The following YTHDF3 variants were observed in gnomAD, a reference collection of about 807,000 sequenced individuals.
The protein encoded by YTHDF3 is YTH domain-containing family protein 3.
A neutral mutation model predicts 52.5 loss-of-function variants in YTHDF3; 9 were observed. That is an observed-to-expected ratio of 0.17 (90% CI 0.10 to 0.30). The LOEUF is 0.30. Ranked by LOEUF, YTHDF3 falls within the 10% of genes least tolerant of loss-of-function variation. The pLI, the probability that YTHDF3 is intolerant of heterozygous loss-of-function variation, is 1.00. For missense variants in YTHDF3, 534 were observed against 715.0 expected (o/e 0.75, Z 2.89); for synonymous variants, 274 against 243.3 (o/e 1.13, Z -1.18).
intron 2 of YTHDF3, among the ~76,000 whole-genome samples, chr8:63,173,202 T>TTATATATATATATATATATATATATA (rs545707272): frequency 0.028 from 3,516 of 124,698 alleles, 188 homozygotes; most frequent in African/African-American, 0.068. Flanking sequence ...AGGATTATAT[T>TTATATATATATATATATATATATATA]TATATATATA....
chr8:63,186,505 C>G lies in YTHDF3; in HGVS notation c.494C>G (p.Ala165Gly), dbSNP rs745618517. The part of the protein sequence containing the change: ...YGYPPSSLGR[A>G]ITDGQAGFGN... The stretch of plus-strand genomic sequence containing the variant: ...TATCCACCTAGTTCTCTTGGGAGAG[C>G]TATTACTGATGGACAGGCTGGATTT... Residue 165 changes from alanine to glycine, a missense_variant, in exon 4 of 5, where the codon GCT (alanine) becomes GGT (glycine). This residue lies in a region of YTHDF3 where 196 missense variants were observed against 299.5 expected (regional missense o/e 0.65). Coordinates refer to ENST00000539294, the MANE Select transcript of YTHDF3 (RefSeq NM_152758.6). 17 of 1,613,860 alleles carry G rather than the reference C, an allele frequency of 1.1e-5. No homozygotes were observed. Among genetic ancestry groups the G allele is most frequent in the Non-Finnish European group, 1.4e-5 (17 of 1,179,904 alleles).
chr8:63,171,923 AGT>A (rs1807354670), intron 2 of YTHDF3, among the ~76,000 whole-genome samples: 1 of 152,180 alleles, frequency 6.6e-6, no homozygotes, highest in South Asian at 2.1e-4. Flanking sequence ...ACCTAGTTTT[AGT>A]GTCTTTGATT....
At chr8:63,202,371 T>C (rs1809694408) in intron 4 of YTHDF3, among the ~76,000 whole-genome samples, 1 of 152,202 alleles carries the variant, frequency 6.6e-6, no homozygotes, top group Admixed American at 6.5e-5. Context: ...TAGAAGCTTA[T>C]CTAAGTATTA....
intron 3 of YTHDF3, among the ~76,000 whole-genome samples, chr8:63,184,433 A>G (rs1194963081): frequency 2.0e-5 from 3 of 152,230 alleles, no homozygotes; most frequent in African/African-American, 7.2e-5. Flanking sequence ...TAGTCATATC[A>G]GAGAACCATT....
At chr8:63,189,005 C>G (rs900963327) in intron 4 of YTHDF3, 1 of 152,008 alleles carries the variant, frequency 6.6e-6, no homozygotes, top group Non-Finnish European at 1.5e-5. Flanking sequence ...GCCACTGTGC[C>G]TGGCAAAATA....
intron 4 of YTHDF3, among the ~76,000 whole-genome samples, chr8:63,188,076 A>G (rs1231266615): frequency 3.9e-5 from 6 of 152,174 alleles, no homozygotes; most frequent in Admixed American, 2.0e-4. Context: ...GGCTCTAATC[A>G]TTAATATTAT....
chr8:63,169,541 A>G (rs1244950927), intron 2 of YTHDF3, 130 bp downstream of exon 2: 9 of 1,055,088 alleles, frequency 8.5e-6, no homozygotes, highest in Non-Finnish European at 1.3e-5. Flanking sequence ...AATATTCATC[A>G]TGGCTAAGGT....
chr8:63,169,440 G>C (rs1483253376), intron 2 of YTHDF3, 29 bp downstream of exon 2: 1 of 1,565,374 alleles, frequency 6.4e-7, no homozygotes, highest in Admixed American at 1.9e-5. Flanking sequence ...TTTTCTTATT[G>C]CTCAATGTTG....
At chr8:63,206,979 A>C (rs961349502) in intron 4 of YTHDF3, among the ~76,000 whole-genome samples, 2 of 152,166 alleles carry the variant, frequency 1.3e-5, no homozygotes, top group African/African-American at 4.8e-5. Flanking sequence ...CCTTGGTAAA[A>C]TATGTACCTT....
intron 4 of YTHDF3, among the ~76,000 whole-genome samples, chr8:63,209,317 T>G (rs111634821): frequency 0.011 from 1,713 of 152,286 alleles, 18 homozygotes; most frequent in Non-Finnish European, 0.017. Context: ...TTTAACCTTT[T>G]TCTCCTGCCC....
intron 4 of YTHDF3, among the ~76,000 whole-genome samples, chr8:63,200,781 T>C (rs1428262863): frequency 6.6e-6 from 1 of 152,206 alleles, no homozygotes; most frequent in Non-Finnish European, 1.5e-5. Flanking sequence ...GCAAATACAA[T>C]TTTGATTGGG....
At chr8:63,172,652 G>T in intron 2 of YTHDF3, 1 of 583,546 alleles carries the variant, frequency 1.7e-6, no homozygotes, top group South Asian at 8.7e-5. Context: ...TGTTTTTGTA[G>T]GTGGGGAAAC....
intron 1 of YTHDF3, 47 bp from the exon 2 acceptor site, chr8:63,169,340 T>G (rs761629188): frequency 6.3e-7 from 1 of 1,576,144 alleles, no homozygotes; most frequent in South Asian, 1.2e-5. Context: ...ACTTTTTCTT[T>G]TCTTCCTTTT....
At chr8:63,189,494 G>A (rs1178303443) in intron 4 of YTHDF3, among the ~76,000 whole-genome samples, 1 of 152,218 alleles carries the variant, frequency 6.6e-6, no homozygotes, top group Non-Finnish European at 1.5e-5. Context: ...TGGAATGCTT[G>A]TTCCTATGTA....
intron 2 of YTHDF3, 131 bp from the exon 3 acceptor site, chr8:63,175,200 G>A: frequency 1.6e-6 from 1 of 625,612 alleles, no homozygotes; most frequent in Non-Finnish European, 2.8e-6. Context: ...TCCTTAAGAG[G>A]GTTCTTAAAA....
chr8:63,171,307 A>G (rs1012024217), intron 2 of YTHDF3, among the ~76,000 whole-genome samples: 1 of 152,148 alleles, frequency 6.6e-6, no homozygotes, highest in African/African-American at 2.4e-5. Context: ...AATTCCCATA[A>G]TTCCTATAGT....
intron 1 of YTHDF3, 43 bp downstream of exon 1, chr8:63,168,944 C>T (rs1476798670): frequency 6.5e-7 from 1 of 1,543,706 alleles, no homozygotes; most frequent in Non-Finnish European, 8.7e-7. Flanking sequence ...GCCCGAGCCC[C>T]GGAGCTCCAC....
chr8:63,187,495 A>T lies in YTHDF3; in HGVS notation c.1484A>T (p.Asp495Val). The change falls in exon 4 of 5, where the codon GAT becomes GTT. Residue 495 changes from aspartate to valine, a missense_variant. By Grantham distance (152) the Asp-to-Val change is radical. Around this residue, in one of 3 missense-constraint regions of YTHDF3, gnomAD observed 135 missense variants for 214.2 expected, o/e 0.63. Transcript: ENST00000539294. The stretch of plus-strand genomic sequence containing the variant: ...GCGTATGCTGGTGTCTGGTCTCAGG[A>T]TAAGTGGAAGGGCAAATTTGAAGTT... ...YNAYAGVWSQ[D>V]KWKGKFEVKW... The T allele has an allele frequency of 1.9e-6, 3 of 1,613,998 alleles. No homozygotes were observed. Among genetic ancestry groups the T allele is most frequent in the Non-Finnish European group, 2.5e-6 (3 of 1,179,896 alleles).
chr8:63,198,172 G>A (rs1740637665), intron 4 of YTHDF3, among the ~76,000 whole-genome samples: 1 of 152,118 alleles, frequency 6.6e-6, no homozygotes, highest in Non-Finnish European at 1.5e-5. Flanking sequence ...GTGTATTTTA[G>A]TTCTTTATGC....
Sources: allele counts gnomAD v4.1 joint callset (sites outside exome capture counted in the v4.1 genomes callset), GRCh38; gene constraint gnomAD v4.1.1; regional missense constraint gnomAD v4.1.1; transcripts MANE v1.5; gene names NCBI Gene and HGNC (gene_info 2026-07-23, HGNC 2026-07-21).